Variants in FAM163B observed in about 807,000 individuals in gnomAD.
The protein encoded by FAM163B is protein FAM163B.
In FAM163B, 4 loss-of-function variants were observed where a neutral mutation model predicts 7.6. The observed-to-expected ratio is 0.52, with a 90% CI of 0.26 to 1.20. FAM163B has a LOEUF of 1.20. Ranked by LOEUF, FAM163B falls within the 50% of genes most tolerant of loss-of-function variation. The probability of loss-of-function intolerance (pLI) is 0.14; values close to 1 mark genes in which losing one functional copy is unlikely to be tolerated. For synonymous variants in FAM163B, 120 were observed against 111.6 expected (o/e 1.07, Z -0.47); for missense variants, 250 against 243.0 (o/e 1.03, Z -0.19).
At position 133,587,953 on chromosome 9, in the gene FAM163B, G is replaced by A. The variant is rs538074102; in HGVS notation, c.-23-7707C>T. On this transcript the variant is annotated intron_variant, in intron 1 of 2. Coordinates refer to ENST00000673969, the MANE Select transcript of FAM163B (RefSeq NM_001080515.3). ...GAGAAAAGAGAAAAAGGTGATGGGC[G>A]AACGGGGGCGCGAACGGGGGGCGAG... is the stretch of plus-strand genomic sequence containing the variant. Among the ~76,000 whole-genome samples, 68 of 141,514 alleles carry A rather than the reference G, an allele frequency of 4.8e-4. No individual in the cohort carries two copies. The East Asian group carries it at 0.013, about 26-fold the overall frequency. 92.8% of individuals were successfully genotyped at this position (141,514 alleles called of 152,430 possible).
At chr9:133,584,048 TC>T (rs33920107) in intron 1 of FAM163B, among the ~76,000 whole-genome samples, 114,752 of 149,000 alleles carry the variant, frequency 0.77, 44,893 homozygotes, top group African/African-American at 0.93. Context: ...GGGATGCCCA[TC>T]CCCCCCCCGG....
intron 1 of FAM163B, among the ~76,000 whole-genome samples, chr9:133,597,517 G>A (rs772224117): frequency 6.6e-6 from 1 of 152,108 alleles, no homozygotes; most frequent in African/African-American, 2.4e-5. Flanking sequence ...TCTAATATAC[G>A]TATAACTGGA....
At chr9:133,590,566 A>C (rs1831537254) in intron 1 of FAM163B, among the ~76,000 whole-genome samples, 1 of 152,208 alleles carries the variant, frequency 6.6e-6, no homozygotes, top group Non-Finnish European at 1.5e-5. Context: ...TTTACCCACC[A>C]AAATGGCCCA....
chr9:133,609,333 G>C lies in FAM163B; in HGVS notation c.-280C>G, dbSNP rs898892655. Among the ~76,000 whole-genome samples, 4 of 149,588 alleles carry C rather than the reference G, an allele frequency of 2.7e-5. No homozygotes were observed. Among genetic ancestry groups the C allele is most frequent in the Non-Finnish European group, 6.0e-5 (4 of 67,064 alleles). ...GCCGCGACTCCGGACGCCCCGGCTGGCTCCCTGCGAGCTGCACGCGCGGCT... is the reference window on the plus strand; with the variant it reads ...GCCGCGACTCCGGACGCCCCGGCTGCCTCCCTGCGAGCTGCACGCGCGGCT... On this transcript the variant is annotated 5_prime_UTR_variant, in exon 1 of 3. Coordinates refer to ENST00000673969, the MANE Select transcript of FAM163B (RefSeq NM_001080515.3).
At chr9:133,599,507 A>C (rs946528563) in intron 1 of FAM163B, among the ~76,000 whole-genome samples, 1 of 151,746 alleles carries the variant, frequency 6.6e-6, no homozygotes, top group Non-Finnish European at 1.5e-5. Flanking sequence ...GGGTGTGTGT[A>C]TGTGTGCATG....
chr9:133,591,115 G>A (rs1388860279), intron 1 of FAM163B, among the ~76,000 whole-genome samples: 4 of 152,204 alleles, frequency 2.6e-5, no homozygotes, highest in Non-Finnish European at 5.9e-5. Flanking sequence ...CTCATGAGCA[G>A]CTGCCTCCCT....
At chr9:133,599,632 GTGTA>G (rs1212135018) in intron 1 of FAM163B, among the ~76,000 whole-genome samples, 5 of 151,720 alleles carry the variant, frequency 3.3e-5, no homozygotes, top group African/African-American at 7.3e-5. Flanking sequence ...ATGCATGTAT[GTGTA>G]AGTGTGCATG....
intron 2 of FAM163B, among the ~76,000 whole-genome samples, chr9:133,579,781 C>T (rs1017254169): frequency 3.3e-5 from 5 of 152,222 alleles, no homozygotes; most frequent in African/African-American, 1.2e-4. Context: ...CGCCCTGCCC[C>T]GATGGCTCCC....
In FAM163B at chr9:133,601,039, C is replaced by T. The variant is rs1434118120; in HGVS notation, c.-24+8038G>A. Among the ~76,000 whole-genome samples, 2 of 152,134 alleles carry T rather than the reference C, an allele frequency of 1.3e-5. No individual in the cohort carries two copies. Among genetic ancestry groups the T allele is most frequent in the Admixed American group, 6.5e-5 (1 of 15,276 alleles). On this transcript the variant is annotated intron_variant, in intron 1 of 2. Coordinates refer to ENST00000673969, the MANE Select transcript of FAM163B (RefSeq NM_001080515.3). The surrounding 1 kb of genome is among the most constrained non-coding windows in gnomAD (Gnocchi z 4.1). ...TGAGGACCCCTGGGAGGGCCCTACC[C>T]GCCTGCAAGCTCTCTGGGAGCAGGG...
intron 1 of FAM163B, among the ~76,000 whole-genome samples, chr9:133,588,570 T>TCTGGCATGCTGAAGGTTGTAGCAC (rs145518912): frequency 5.5e-3 from 1 of 182 alleles, no homozygotes; most frequent in African/African-American, 0.024. Context: ...TGTTGAGGGA[T>TCTGGCATGCTGAAGGTTGTAGCAC]TAGCATGCTG....
intron 1 of FAM163B, among the ~76,000 whole-genome samples, chr9:133,596,001 G>A (rs1047159764): frequency 1.2e-4 from 19 of 152,166 alleles, no homozygotes; most frequent in African/African-American, 4.3e-4. Context: ...AACTGGACTG[G>A]TTCTGCTTTT....
rs78094364 is a variant in FAM163B at position 133,601,557 on chromosome 9, T to A, written c.-24+7520A>T. On this transcript the variant is annotated intron_variant, in intron 1 of 2. Coordinates refer to ENST00000673969, the MANE Select transcript of FAM163B (RefSeq NM_001080515.3). The surrounding 1 kb of genome is among the most constrained non-coding windows in gnomAD (Gnocchi z 4.1). ...CTGAAACCCCCATAACTGGAGAATT[T>A]CGGGTGCCACATGGGTCAGACGCAG... 0.088 allele frequency among the ~76,000 whole-genome samples: 13,341 copies of A among 152,168 alleles called. 786 individuals carry two copies. The highest frequency in any genetic ancestry group is 0.16 in the Admixed American group (2,515 of 15,282).
intron 1 of FAM163B, among the ~76,000 whole-genome samples, chr9:133,607,927 TGCTCAG>T (rs1358918452): frequency 1.3e-5 from 2 of 152,210 alleles, no homozygotes; most frequent in African/African-American, 4.8e-5. Flanking sequence ...GGTTCTCACC[TGCTCAG>T]GTGGGTAGAG....
intron 1 of FAM163B, among the ~76,000 whole-genome samples, chr9:133,587,725 G>A (rs1211864908): frequency 3.9e-5 from 6 of 152,126 alleles, no homozygotes; most frequent in Non-Finnish European, 5.9e-5. Flanking sequence ...TTGCGTCCCC[G>A]ACGGGTGTGG....
chr9:133,604,831 T>A (rs1227795166), intron 1 of FAM163B, among the ~76,000 whole-genome samples: 1 of 152,060 alleles, frequency 6.6e-6, no homozygotes, highest in Non-Finnish European at 1.5e-5. Context: ...GTCTATAAGG[T>A]AGTGCAGCCA....
At chr9:133,592,563 G>A (rs575193210) in intron 1 of FAM163B, among the ~76,000 whole-genome samples, 2 of 152,280 alleles carry the variant, frequency 1.3e-5, no homozygotes, top group South Asian at 2.1e-4. Flanking sequence ...GGGAGGCTGC[G>A]CCAGTGAACA....
chr9:133,580,306 G>T, intron 1 of FAM163B, 60 bp from the exon 2 acceptor site: 1 of 1,301,576 alleles, frequency 7.7e-7, no homozygotes, highest in Non-Finnish European at 1.1e-6. Context: ...AGTCACTCGT[G>T]CTATTCTAGA....
At chr9:133,597,266 A>G (rs1402851747) in intron 1 of FAM163B, among the ~76,000 whole-genome samples, 1 of 152,248 alleles carries the variant, frequency 6.6e-6, no homozygotes, top group Non-Finnish European at 1.5e-5. Context: ...ACTTGAGCAT[A>G]TGAAGTAGAG....
chr9:133,609,237 G>C lies in FAM163B; in HGVS notation c.-184C>G, dbSNP rs1399678326. ...TGGCTGGGCGGGCGAGGCGGGCGCT[G>C]AGAAGCCCGGGAGGCCCCCGGGGAG... On this transcript the variant is annotated 5_prime_UTR_variant, in exon 1 of 3. Transcript: ENST00000673969. Among the ~76,000 whole-genome samples, 2 of 151,140 alleles carry C rather than the reference G, an allele frequency of 1.3e-5. No individual in the cohort carries two copies. Among genetic ancestry groups the C allele is most frequent in the African/African-American group, 4.8e-5 (2 of 41,358 alleles).
Sources: allele counts gnomAD v4.1 joint callset (sites outside exome capture counted in the v4.1 genomes callset), GRCh38; gene constraint gnomAD v4.1.1; non-coding constraint Gnocchi (gnomAD v3.1); transcripts MANE v1.5; gene names NCBI Gene and HGNC (gene_info 2026-07-23, HGNC 2026-07-21).